The following MSL1 variants were observed in gnomAD, a reference collection of about 807,000 sequenced individuals.
The protein encoded by MSL1 is MSL complex subunit 1.
A neutral mutation model predicts 64.6 loss-of-function variants in MSL1; 21 were observed. That is an observed-to-expected ratio of 0.33 (90% CI 0.23 to 0.47). MSL1 has a LOEUF of 0.47. MSL1 is among the 20% of genes least tolerant of loss of function. MSL1 has a pLI of 1.00. For missense variants in MSL1, 664 were observed against 793.2 expected, an observed-to-expected ratio of 0.84 and a Z score of 1.96; for synonymous variants, 339 against 329.6, an observed-to-expected ratio of 1.03 and a Z score of -0.31.
rs1988547877 is a variant in MSL1, at chr17:40,136,776, A to G, written c.*2407A>G. ...TAAAGAGTTCAATTGTAAATAAACT[A>G]TTGTGGCTGTTAATTTTTGAACTTC... On this transcript the variant is annotated 3_prime_UTR_variant, in exon 9 of 9. Coordinates refer to ENST00000398532, the MANE Select transcript of MSL1 (RefSeq NM_001365919.1). 1 of 152,372 alleles carries G rather than the reference A, an allele frequency of 6.6e-6. No individual in the cohort carries two copies. Among genetic ancestry groups the G allele is most frequent in the African/African-American group, 2.4e-5 (1 of 41,462 alleles). The allele number at this position is 152,372 out of a possible 1,614,324, so 9.4% of individuals were successfully genotyped here.
At position 40,131,195 on chromosome 17, in the gene MSL1, C is replaced by T. The variant is rs746879536; in HGVS notation, c.1376-342C>T. On this transcript the variant is annotated intron_variant, in intron 3 of 8. Coordinates refer to ENST00000398532, the MANE Select transcript of MSL1 (RefSeq NM_001365919.1). The surrounding 1 kb of genome is among the most constrained non-coding windows in gnomAD (Gnocchi z 4.5). ...AGACTACATATGTAAGTTTTGAGAA[C>T]ACTGATCTTTTATTTGAAAAATAGG... is the stretch of plus-strand genomic sequence containing the variant. The T allele has an allele frequency of 4.7e-5, 10 of 214,000 alleles. No homozygotes were observed. Among genetic ancestry groups the T allele is most frequent in the Non-Finnish European group, 9.7e-5 (10 of 103,564 alleles). The allele number at this position is 214,000 out of a possible 1,614,324, so 13.3% of individuals were successfully genotyped here. A position where few individuals can be genotyped will look rare whatever the true frequency, so the allele number is the denominator to read the frequency against.
rs1354985389 is a variant in MSL1, at chr17:40,128,413, C to T, written c.993-832C>T. ...TTTCTGAGACAGAGTCTCACTCTGT[C>T]GCCCAGGCTGGAGTGCAGTGGCGTG... On this transcript the variant is annotated intron_variant, in intron 2 of 8. Coordinates refer to ENST00000398532, the MANE Select transcript of MSL1 (RefSeq NM_001365919.1). Among the ~76,000 whole-genome samples the T allele has an allele frequency of 5.9e-5, 8 of 135,802 alleles. No individual in the cohort carries two copies. In the East Asian group the frequency reaches 6.6e-4, roughly 11 times the overall value. The allele number at this position is 135,802 out of a possible 152,430, so 89.1% of individuals were successfully genotyped here.
chr17:40,128,229 A>G (rs1431505353), intron 2 of MSL1, among the ~76,000 whole-genome samples: 1 of 152,134 alleles, frequency 6.6e-6, no homozygotes, highest in East Asian at 1.9e-4. Context: ...AGACAGTAAG[A>G]AAAAGGAAAT....
intron 5 of MSL1, among the ~76,000 whole-genome samples, chr17:40,132,388 AGCACTTTGGGAG>A (rs1345421298): frequency 6.6e-6 from 1 of 152,202 alleles, no homozygotes; most frequent in African/African-American, 2.4e-5. Context: ...CTATAATCCC[AGCACTTTGGGAG>A]GCTGAGACAG....
At chr17:40,125,434 T>A (rs1298837659) in intron 1 of MSL1, among the ~76,000 whole-genome samples, 2 of 152,214 alleles carry the variant, frequency 1.3e-5, no homozygotes, top group Admixed American at 6.5e-5. Context: ...TCCTTCTCAA[T>A]GTACTGTTTG....
In MSL1 at chr17:40,129,556, G is replaced by A. The variant is rs201593396; in HGVS notation, c.1304G>A (p.Arg435His). The A allele has an allele frequency of 1.6e-5, 26 of 1,613,638 alleles. No homozygotes were observed. The highest frequency in any genetic ancestry group is 1.1e-4 in the East Asian group (5 of 44,870). Residue 435 changes from arginine to histidine, a missense_variant, in exon 3 of 9, where the codon CGT (arginine) becomes CAT (histidine). Coordinates refer to ENST00000398532, the MANE Select transcript of MSL1 (RefSeq NM_001365919.1). ...YLSTTEMYLC[R>H]WHQPPPSPLP... ...TCCACCACAGAAATGTATTTGTGTC[G>A]TTGGCACCAGCCTCCCCCATCACCG...
rs1303540096 is a variant in MSL1, at chr17:40,135,361, A to T, written c.*992A>T. On this transcript the variant is annotated 3_prime_UTR_variant, in exon 9 of 9. Coordinates refer to ENST00000398532, the MANE Select transcript of MSL1 (RefSeq NM_001365919.1). ...TGTAAAAATAATTTGTATGTGTACC[A>T]TCTTGGTCCTCTCCCCTCCCGTTTT... 6.6e-6 allele frequency: 1 copy of T among 152,314 alleles called. No homozygotes were observed. Among genetic ancestry groups the T allele is most frequent in the Admixed American group, 6.5e-5 (1 of 15,268 alleles). The allele number at this position is 152,314 out of a possible 1,614,324, so 9.4% of individuals were successfully genotyped here. A position where few individuals can be genotyped will look rare whatever the true frequency, so the allele number is the denominator to read the frequency against.
Position 40,123,395 on chromosome 17 carries a change from A to G in MSL1, c.768+15A>G. On this transcript the variant is annotated intron_variant, in intron 1 of 8. Coordinates refer to ENST00000398532, the MANE Select transcript of MSL1 (RefSeq NM_001365919.1). ...AGAGAGACACGGTACGGGAGGGGTTAATCTGCATTCGGGCCGAGGAGCGAG... is the reference window on the plus strand; with the variant it reads ...AGAGAGACACGGTACGGGAGGGGTTGATCTGCATTCGGGCCGAGGAGCGAG... 6.5e-7 allele frequency: 1 copy of G among 1,534,352 alleles called. No homozygotes were observed. Among genetic ancestry groups the G allele is most frequent in the Non-Finnish European group, 8.7e-7 (1 of 1,146,098 alleles).
chr17:40,133,724 A>C (rs1279387578), intron 7 of MSL1, 66 bp downstream of exon 7: 24 of 1,611,234 alleles, frequency 1.5e-5, no homozygotes, highest in Non-Finnish European at 2.0e-5. Flanking sequence ...GCTCCAGGGT[A>C]CAACTTGCTC....
rs1225822707 is a variant in MSL1 at position 40,131,528 on chromosome 17, A to G, written c.1376-9A>G. The G allele has an allele frequency of 6.2e-7, 1 of 1,612,716 alleles. No individual in the cohort carries two copies. The highest frequency in any genetic ancestry group is 1.1e-5 in the South Asian group (1 of 91,034). ...CACTGAGATTATTCTTCTTTCCTGC[A>G]TTATTTAGGGTGTCTGATGCCATCA... On this transcript the variant is annotated splice_polypyrimidine_tract_variant and intron_variant, in intron 3 of 8. Coordinates refer to ENST00000398532, the MANE Select transcript of MSL1 (RefSeq NM_001365919.1). The surrounding 1 kb of genome is among the most constrained non-coding windows in gnomAD (Gnocchi z 4.5).
intron 1 of MSL1, chr17:40,124,437 T>G (rs1239425414): frequency 1.3e-5 from 2 of 151,962 alleles, no homozygotes; most frequent in African/African-American, 4.8e-5. Context: ...CTCTCTGGCG[T>G]CGTGTGCGCT....
rs1440734238 is a variant in MSL1, at chr17:40,122,744, C to T, written c.132C>T (p.His44=). 2.1e-6 allele frequency: 3 copies of T among 1,444,528 alleles called. No individual in the cohort carries two copies. The highest frequency in any genetic ancestry group is 2.7e-6 in the Non-Finnish European group (3 of 1,106,804). The allele number at this position is 1,444,528 out of a possible 1,614,324, so 89.5% of individuals were successfully genotyped here. A position where few individuals can be genotyped will look rare whatever the true frequency, so the allele number is the denominator to read the frequency against. ...ACGAGCCTGGGGCGGCCGAAGCCCA[C>T]TTCCTCCCCCGGCACCGTAAGCTCA... ...PEDEPGAAEA[H]FLPRHRKLKE... The change falls in exon 1 of 9, where the codon CAC becomes CAT. Residue 44 remains histidine (H), a synonymous_variant. Transcript: ENST00000398532. The surrounding 1 kb of genome is among the most constrained non-coding windows in gnomAD (Gnocchi z 4.2).
chr17:40,131,557 G>A lies in MSL1; in HGVS notation c.1396G>A (p.Val466Ile), dbSNP rs772734350. The A allele has an allele frequency of 8.1e-5, 130 of 1,613,718 alleles. 1 individual carries two copies. The highest frequency in any genetic ancestry group is 4.9e-4 in the Middle Eastern group (3 of 6,084). The part of the protein sequence containing the change: ...TVARCLMPSS[V>I]AGETSVLAVP... ...TTTAGGGTGTCTGATGCCATCAAGT[G>A]TTGCAGGAGAAACTTCAGTCTTGGC... Residue 466 changes from valine (V) to isoleucine (I), a missense_variant, in exon 4 of 9, where the codon GTT becomes ATT. By Grantham distance (29) the Val-to-Ile change is conservative. Around this residue, in one of 4 missense-constraint regions of MSL1, gnomAD observed 119 missense variants for 164.3 expected, o/e 0.72. Transcript: ENST00000398532. This position sits in a 1 kb window ranked among gnomAD's most constrained non-coding sequence, Gnocchi z 4.5.
Position 40,134,394 on chromosome 17 carries a change from C to A in MSL1, c.*25C>A. 6.5e-7 allele frequency: 1 copy of A among 1,544,558 alleles called. No individual in the cohort carries two copies. The highest frequency in any genetic ancestry group is 1.2e-5 in the South Asian group (1 of 83,876). On this transcript the variant is annotated 3_prime_UTR_variant, in exon 9 of 9. Coordinates refer to ENST00000398532, the MANE Select transcript of MSL1 (RefSeq NM_001365919.1). ...GCTGTGCTGGCAAGAACCCTGTCTT[C>A]AGATAGTTGTAGCATGCCATTCCCG...
intron 1 of MSL1, among the ~76,000 whole-genome samples, chr17:40,125,191 CTTTT>C (rs1458644983): frequency 6.6e-6 from 1 of 152,112 alleles, no homozygotes; most frequent in Admixed American, 6.6e-5. Flanking sequence ...TTAGTCCTTC[CTTTT>C]AACTAAAACT....
intron 1 of MSL1, among the ~76,000 whole-genome samples, chr17:40,125,247 T>C (rs186352013): frequency 6.6e-4 from 101 of 152,386 alleles, no homozygotes; most frequent in African/African-American, 2.3e-3. Flanking sequence ...TGAATAGGTA[T>C]AATTTTTTGT....
chr17:40,130,893 G>C (rs1988426793), intron 3 of MSL1: 1 of 152,314 alleles, frequency 6.6e-6, no homozygotes, highest in Non-Finnish European at 1.5e-5. Context: ...TGTTCTGTGT[G>C]ACTGGCTATT....
At chr17:40,125,943 C>G (rs548889417) in intron 1 of MSL1, among the ~76,000 whole-genome samples, 1 of 152,320 alleles carries the variant, frequency 6.6e-6, no homozygotes, top group East Asian at 1.9e-4. Flanking sequence ...GAAGAATGAA[C>G]TACAAATTAC....
chr17:40,133,968 A>G, intron 8 of MSL1, 69 bp downstream of exon 8: 1 of 1,415,890 alleles, frequency 7.1e-7, no homozygotes. Context: ...ATGGAAGCCT[A>G]GATATGAGGT....
Sources: allele counts gnomAD v4.1 joint callset (sites outside exome capture counted in the v4.1 genomes callset), GRCh38; gene constraint gnomAD v4.1.1; regional missense constraint gnomAD v4.1.1; non-coding constraint Gnocchi (gnomAD v3.1); transcripts MANE v1.5; gene names NCBI Gene and HGNC (gene_info 2026-07-23, HGNC 2026-07-21).